MAGI2: variants seen among roughly 807,000 people sequenced by gnomAD.
The protein encoded by MAGI2 is membrane-associated guanylate kinase, WW and PDZ domain-containing protein 2.
In MAGI2, 35 loss-of-function variants were observed where a neutral mutation model predicts 133.3. That is an observed-to-expected ratio of 0.26 (90% CI 0.20 to 0.35). MAGI2 has a LOEUF of 0.35. Ranked by LOEUF, MAGI2 falls within the 10% of genes least tolerant of loss-of-function variation. MAGI2 has a pLI of 1.00. For synonymous variants in MAGI2, 729 were observed against 710.6 expected (o/e 1.03, Z -0.41); for missense variants, 1,636 against 1,863.4 (o/e 0.88, Z 2.25).
At chr7:78,160,515 T>C (rs1490848561) in intron 15 of MAGI2, among the ~76,000 whole-genome samples, 1 of 152,344 alleles carries the variant, frequency 6.6e-6, no homozygotes. Context: ...GCCTCCTCTG[T>C]GCTGTTACTG....
chr7:78,044,487 T>C (rs3823804), intron 21 of MAGI2, among the ~76,000 whole-genome samples: 10,164 of 152,238 alleles, frequency 0.067, 344 homozygotes, highest in South Asian at 0.078. Flanking sequence ...TGAATCAATG[T>C]GGAGTTTTAG....
At chr7:79,385,359 T>C (rs1026512202) in intron 1 of MAGI2, among the ~76,000 whole-genome samples, 9 of 151,918 alleles carry the variant, frequency 5.9e-5, no homozygotes, top group Non-Finnish European at 8.8e-5. Context: ...AATGGTTGAA[T>C]ATCATAAAAT....
intron 6 of MAGI2, among the ~76,000 whole-genome samples, chr7:78,470,937 T>A (rs1791134181): frequency 6.6e-6 from 1 of 152,116 alleles, no homozygotes; most frequent in African/African-American, 2.4e-5. Context: ...TTAACGTGCC[T>A]TTGAGGTAAG....
intron 1 of MAGI2, among the ~76,000 whole-genome samples, chr7:79,069,335 T>C (rs1442568128): frequency 4.6e-5 from 7 of 152,230 alleles, no homozygotes; most frequent in Non-Finnish European, 1.0e-4. Context: ...GTTGCATTGA[T>C]CCCTTTGCCA....
intron 1 of MAGI2, among the ~76,000 whole-genome samples, chr7:79,270,360 G>A (rs1834789921): frequency 6.9e-6 from 1 of 144,458 alleles, no homozygotes; most frequent in Non-Finnish European, 1.5e-5. Flanking sequence ...TAGTGGGCGG[G>A]ACGAAACTGT....
chr7:79,339,481 G>A (rs1840730423), intron 1 of MAGI2, among the ~76,000 whole-genome samples: 1 of 117,288 alleles, frequency 8.5e-6, no homozygotes, highest in African/African-American at 3.5e-5. Flanking sequence ...TTTTTTTTGA[G>A]GAATCACTAA....
At chr7:79,365,842 G>A (rs1216027022) in intron 1 of MAGI2, among the ~76,000 whole-genome samples, 2 of 117,788 alleles carry the variant, frequency 1.7e-5, no homozygotes, top group Admixed American at 1.1e-4. Flanking sequence ...CCTGGGTGAT[G>A]GGTAATAGAG....
intron 10 of MAGI2, among the ~76,000 whole-genome samples, chr7:78,211,382 G>A (rs1584413178): frequency 6.6e-6 from 1 of 152,188 alleles, no homozygotes; most frequent in Non-Finnish European, 1.5e-5. Flanking sequence ...GGTGGAGTGA[G>A]AGTTATGCAC....
At chr7:79,243,100 C>T (rs967966405) in intron 1 of MAGI2, among the ~76,000 whole-genome samples, 2 of 151,532 alleles carry the variant, frequency 1.3e-5, no homozygotes, top group Non-Finnish European at 2.9e-5. Flanking sequence ...CCTGTAATCC[C>T]GGGCAACAGA....
At chr7:78,220,494 T>A (rs758914871) in intron 10 of MAGI2, among the ~76,000 whole-genome samples, 1 of 152,220 alleles carries the variant, frequency 6.6e-6, no homozygotes, top group Non-Finnish European at 1.5e-5. Context: ...CCTACCAAAG[T>A]GACATGTATG....
intron 21 of MAGI2, among the ~76,000 whole-genome samples, chr7:78,029,883 A>G (rs1809382825): frequency 6.6e-6 from 1 of 152,218 alleles, no homozygotes; most frequent in Non-Finnish European, 1.5e-5. Context: ...TTGCTGAAGT[A>G]AGGGGGTTGG....
chr7:78,036,144 C>T (rs1056512400), intron 21 of MAGI2, among the ~76,000 whole-genome samples: 4 of 152,080 alleles, frequency 2.6e-5, no homozygotes, highest in African/African-American at 9.7e-5. Context: ...AATTCCACTT[C>T]AGTAGCTGAC....
intron 6 of MAGI2, among the ~76,000 whole-genome samples, chr7:78,460,799 T>TC (rs528083876): frequency 1.3e-3 from 205 of 152,274 alleles, no homozygotes; most frequent in African/African-American, 4.8e-3. Context: ...GTAGCTGTTA[T>TC]CCTGTCCAGC....
At chr7:78,938,921 A>G (rs1240448345) in intron 2 of MAGI2, among the ~76,000 whole-genome samples, 1 of 152,190 alleles carries the variant, frequency 6.6e-6, no homozygotes, top group African/African-American at 2.4e-5. Context: ...GGAGATTAAG[A>G]GAAGAGAGCC....
chr7:79,340,780 G>A (rs188452567), intron 1 of MAGI2, among the ~76,000 whole-genome samples: 262 of 152,156 alleles, frequency 1.7e-3, no homozygotes, highest in African/African-American at 6.0e-3. Context: ...ATGTCCAGAA[G>A]TGCCTTTGGG....
At chr7:78,404,757 G>T (rs1797222853) in intron 6 of MAGI2, among the ~76,000 whole-genome samples, 1 of 152,018 alleles carries the variant, frequency 6.6e-6, no homozygotes, top group Non-Finnish European at 1.5e-5. Flanking sequence ...ACACAGGCAC[G>T]GGCAAGGACT....
intron 9 of MAGI2, among the ~76,000 whole-genome samples, chr7:78,340,131 T>G (rs745801613): frequency 1.3e-5 from 2 of 152,222 alleles, no homozygotes; most frequent in African/African-American, 2.4e-5. Flanking sequence ...TCTCTAATTT[T>G]TGTATCTATT....
intron 6 of MAGI2, chr7:78,456,976 A>G (rs1789386338): frequency 6.6e-6 from 1 of 152,234 alleles, no homozygotes; most frequent in Non-Finnish European, 1.5e-5. Context: ...ACATACATTT[A>G]GCAACAATCT....
chr7:79,077,323 C>G (rs1169218704), intron 1 of MAGI2, among the ~76,000 whole-genome samples: 1 of 151,486 alleles, frequency 6.6e-6, no homozygotes, highest in African/African-American at 2.4e-5. Context: ...TTTGGAAGGC[C>G]GAGGCGGGCG....
Sources: gnomAD v4.1 joint callset for allele counts (sites outside exome capture counted in the v4.1 genomes callset) on GRCh38, gnomAD v4.1.1 for gene constraint, MANE v1.5 for transcripts, NCBI Gene and HGNC (gene_info 2026-07-23, HGNC 2026-07-21) for gene names.